The following LYRM7 variants were observed in gnomAD, a reference collection of about 807,000 sequenced individuals.
The protein encoded by LYRM7 is complex III assembly factor LYRM7.
In LYRM7, 9 loss-of-function variants were observed where a neutral mutation model predicts 15.8. The observed-to-expected ratio is 0.57, with a 90% confidence interval of 0.34 to 0.99. The LOEUF (loss-of-function observed/expected upper bound fraction) is 0.99. LYRM7 is among the 50% of genes least tolerant of loss of function. LYRM7 has a pLI of 0.02. For synonymous variants in LYRM7, 39 were observed against 39.4 expected, an observed-to-expected ratio of 0.99 and a Z score of 0.04; for missense variants, 115 against 119.1, an observed-to-expected ratio of 0.97 and a Z score of 0.16.
intron 1 of LYRM7, among the ~76,000 whole-genome samples, chr5:131,175,119 T>G (rs1009637876): frequency 1.3e-5 from 2 of 151,986 alleles, no homozygotes; most frequent in African/African-American, 4.8e-5. Context: ...TAGAGTAGAC[T>G]TAGCATAATT....
chr5:131,192,418 A>C (rs1218476171), intron 4 of LYRM7, among the ~76,000 whole-genome samples: 1 of 152,202 alleles, frequency 6.6e-6, no homozygotes, highest in Non-Finnish European at 1.5e-5. Context: ...CTAGAAGAGC[A>C]AATTTTGAAT....
At chr5:131,181,117 C>G (rs1012452060) in intron 2 of LYRM7, among the ~76,000 whole-genome samples, 2 of 148,798 alleles carry the variant, frequency 1.3e-5, no homozygotes, top group Non-Finnish European at 3.0e-5. Flanking sequence ...ATGGTGAAAC[C>G]CCACCTCTAC....
Position 131,195,216 on chromosome 5 carries a change from C to G in LYRM7, c.245-4315C>G, listed in dbSNP as rs752049424. ...ATGGGAGGCAGAGGTTGCAGTGAGC[C>G]GAGATCACAGCCACTGCACTCCAGC... On this transcript the variant is annotated intron_variant, in intron 4 of 4. Coordinates refer to ENST00000379380, the MANE Select transcript of LYRM7 (RefSeq NM_181705.4). Among the ~76,000 whole-genome samples, 7 of 152,058 alleles carry G rather than the reference C, an allele frequency of 4.6e-5. No individual in the cohort carries two copies. In the South Asian group the frequency reaches 1.5e-3, roughly 32 times the overall value.
intron 1 of LYRM7, among the ~76,000 whole-genome samples, chr5:131,177,142 A>G (rs1286868842): frequency 6.6e-6 from 1 of 152,200 alleles, no homozygotes; most frequent in Non-Finnish European, 1.5e-5. Context: ...ATCCTTTAAT[A>G]GATATCCTAG....
chr5:131,190,819 A>G (rs957609223), intron 4 of LYRM7, among the ~76,000 whole-genome samples: 1 of 152,146 alleles, frequency 6.6e-6, no homozygotes, highest in East Asian at 1.9e-4. Flanking sequence ...AAGGGCAGAA[A>G]ACATAGTTAA....
rs757100338 is a variant in LYRM7, at chr5:131,180,125, A to G, written c.49A>G (p.Thr17Ala). Residue 17 changes from threonine to alanine, a missense_variant, in exon 2 of 5, where the codon ACC (threonine) becomes GCC (alanine). Transcript: ENST00000379380. ...ACAGCTCTTTAAAACACTGCACAGG[A>G]CCAGACAACAAGTTTTTAAAAATGA... ...VLQLFKTLHR[T>A]RQQVFKNDAR... 28 of 1,613,104 alleles carry G rather than the reference A, an allele frequency of 1.7e-5. No homozygotes were observed. Among genetic ancestry groups the G allele is most frequent in the Non-Finnish European group, 2.1e-5 (25 of 1,179,376 alleles).
rs1169795665 is a variant in LYRM7 at position 131,180,091 on chromosome 5, A to G, written c.19-4A>G. 1.9e-6 allele frequency: 3 copies of G among 1,606,028 alleles called. No homozygotes were observed. The highest frequency in any genetic ancestry group is 2.2e-5 in the East Asian group (1 of 44,646). On this transcript the variant is annotated splice_polypyrimidine_tract_variant and splice_region_variant and intron_variant, in intron 1 of 4. Coordinates refer to ENST00000379380, the MANE Select transcript of LYRM7 (RefSeq NM_181705.4). ...CCAACCTTGAATTCTGATTTTCTTA[A>G]CAGGTTTTACAGCTCTTTAAAACAC...
In LYRM7 at chr5:131,180,262, G is replaced by A. The variant is rs1238080069; in HGVS notation, c.91+95G>A. The A allele has an allele frequency of 5.4e-6, 4 of 739,284 alleles. No individual in the cohort carries two copies. The Admixed American group carries it at 7.2e-5, about 13-fold the overall frequency. The allele number at this position is 739,284 out of a possible 1,614,324, so 45.8% of individuals were successfully genotyped here. A position where few individuals can be genotyped will look rare whatever the true frequency, so the allele number is the denominator to read the frequency against. ...CTGTGTGGTCAAGACCCATTTTAGG[G>A]AATGACCTTCACTACCTCTCTCTGA... On this transcript the variant is annotated intron_variant, in intron 2 of 4. Transcript: ENST00000379380.
At chr5:131,171,971 T>G (rs576773430) in intron 1 of LYRM7, among the ~76,000 whole-genome samples, 1 of 152,222 alleles carries the variant, frequency 6.6e-6, no homozygotes, top group Non-Finnish European at 1.5e-5. Context: ...CTAAGCATAG[T>G]GGATGCAACA....
chr5:131,178,485 T>C (rs1755634199), intron 1 of LYRM7, among the ~76,000 whole-genome samples: 1 of 152,156 alleles, frequency 6.6e-6, no homozygotes, highest in Non-Finnish European at 1.5e-5. Flanking sequence ...AGAGCAATAT[T>C]GAGAGAACAA....
chr5:131,195,397 A>C (rs781780258), intron 4 of LYRM7, among the ~76,000 whole-genome samples: 2 of 152,216 alleles, frequency 1.3e-5, no homozygotes, highest in Non-Finnish European at 2.9e-5. Flanking sequence ...TACAGCCTAG[A>C]GTCTAATTGA....
chr5:131,181,399 ATATAT>A (rs1755703889), intron 2 of LYRM7, among the ~76,000 whole-genome samples: 3 of 111,688 alleles, frequency 2.7e-5, no homozygotes, highest in African/African-American at 1.4e-4. Context: ...CATATATATT[ATATAT>A]ACATATATAT....
At chr5:131,183,544 T>G (rs1406651386) in intron 3 of LYRM7, among the ~76,000 whole-genome samples, 1 of 152,206 alleles carries the variant, frequency 6.6e-6, no homozygotes, top group Non-Finnish European at 1.5e-5. Flanking sequence ...TACAGAGCAT[T>G]AATTTAACAT....
chr5:131,181,440 G>GT lies in LYRM7; in HGVS notation c.92-788dup, dbSNP rs1554089960. 1.3e-4 allele frequency among the ~76,000 whole-genome samples: 14 copies of GT among 104,096 alleles called. No homozygotes were observed. The South Asian group carries it at 1.6e-3, about 12-fold the overall frequency. The allele number at this position is 104,096 out of a possible 152,430, so 68.3% of individuals were successfully genotyped here. The stretch of plus-strand genomic sequence containing the variant: ...GTTTATATATATATAACATATATAT[G>GT]TATATATATATAAAACATATATATG... On this transcript the variant is annotated intron_variant, in intron 2 of 4. Coordinates refer to ENST00000379380, the MANE Select transcript of LYRM7 (RefSeq NM_181705.4).
chr5:131,182,428 A>G, intron 3 of LYRM7, 129 bp downstream of exon 3: 1 of 888,226 alleles, frequency 1.1e-6, no homozygotes, highest in Non-Finnish European at 1.5e-6. Flanking sequence ...AACTGTAGAT[A>G]ACCTTCACTT....
At chr5:131,193,844 T>C (rs968190861) in intron 4 of LYRM7, among the ~76,000 whole-genome samples, 1 of 152,122 alleles carries the variant, frequency 6.6e-6, no homozygotes, top group East Asian at 1.9e-4. Context: ...ACCTCATCTC[T>C]ACTAAAAATA....
intron 4 of LYRM7, among the ~76,000 whole-genome samples, chr5:131,189,333 T>C (rs1189721088): frequency 5.3e-5 from 8 of 150,014 alleles, no homozygotes; most frequent in African/African-American, 1.5e-4. Context: ...GTCCCAGCTA[T>C]TCTGGAGGCT....
chr5:131,173,143 A>G (rs574579929), intron 1 of LYRM7, among the ~76,000 whole-genome samples: 2 of 152,236 alleles, frequency 1.3e-5, no homozygotes, highest in East Asian at 1.9e-4. Flanking sequence ...TGCTCTTGCA[A>G]TATTAAAATC....
intron 3 of LYRM7, among the ~76,000 whole-genome samples, chr5:131,184,623 A>G (rs1259179073): frequency 7.0e-6 from 1 of 142,772 alleles, no homozygotes; most frequent in Non-Finnish European, 1.5e-5. Flanking sequence ...CTGTCAGACA[A>G]ATGGAATTTT....
Sources: allele counts gnomAD v4.1 joint callset (sites outside exome capture counted in the v4.1 genomes callset), GRCh38; gene constraint gnomAD v4.1.1; transcripts MANE v1.5; gene names NCBI Gene and HGNC (gene_info 2026-07-23, HGNC 2026-07-21).